The following KLHL22 variants were observed in gnomAD, a reference collection of about 807,000 sequenced individuals.
KLHL22 encodes kelch like family member 22.
A neutral mutation model predicts 60.7 loss-of-function variants in KLHL22; 18 were observed. The observed-to-expected ratio is 0.30, with a 90% CI of 0.20 to 0.44. The LOEUF is 0.44. Among genes scored for constraint, KLHL22 ranks in the 20% least tolerant of loss-of-function variants. The pLI, the probability that KLHL22 is intolerant of heterozygous loss-of-function variation, is 1.00. For missense variants in KLHL22, 596 were observed against 852.3 expected (o/e 0.70, Z 3.74); for synonymous variants, 355 against 354.5 (o/e 1.00, Z -0.01).
intron 2 of KLHL22, among the ~76,000 whole-genome samples, chr22:20,473,344 C>G (rs1381783597): frequency 6.6e-6 from 1 of 151,974 alleles, no homozygotes; most frequent in Non-Finnish European, 1.5e-5. Context: ...CGAAGAGGAC[C>G]CTTTACTGAT....
At chr22:20,471,172 G>A (rs2053320574) in intron 3 of KLHL22, among the ~76,000 whole-genome samples, 178 bp downstream of exon 3, 1 of 152,216 alleles carries the variant, frequency 6.6e-6, no homozygotes, top group Non-Finnish European at 1.5e-5. Flanking sequence ...GAGCGGCTCT[G>A]CTTGAGCTCC....
At chr22:20,483,374 G>C in intron 2 of KLHL22, 5 of 779,006 alleles carry the variant, frequency 6.4e-6, no homozygotes, top group Non-Finnish European at 2.3e-6. Flanking sequence ...ATCTTGGCAA[G>C]GTCCTGAGAT....
intron 5 of KLHL22, among the ~76,000 whole-genome samples, chr22:20,452,168 A>G (rs529685797): frequency 6.6e-6 from 1 of 151,934 alleles, no homozygotes; most frequent in African/African-American, 2.4e-5. Context: ...GTTGCAAAGA[A>G]CTAAGGTGAG....
rs200591799 is a variant in KLHL22 at position 20,442,157 on chromosome 22, G to A, written c.1821C>T (p.Asp607=). Residue 607 remains aspartate, a synonymous_variant, in exon 7 of 7, where the codon GAC becomes GAT. Transcript: ENST00000328879. Reference sequence around the variant, plus strand: ...CAAAGTCCGGGTCGGCCTGGCTGCGGTCAGGGGTCCCGCGGGGCGGCTCAA... The same window carrying A: ...CAAAGTCCGGGTCGGCCTGGCTGCGATCAGGGGTCCCGCGGGGCGGCTCAA... ...LLLEPPRGTP[D]RSQADPDFAS... 2.1e-5 allele frequency: 33 copies of A among 1,549,764 alleles called. No individual in the cohort carries two copies. The East Asian group carries it at 7.6e-4, about 36-fold the overall frequency.
At chr22:20,452,951 G>C (rs2053002681) in intron 5 of KLHL22, among the ~76,000 whole-genome samples, 1 of 152,144 alleles carries the variant, frequency 6.6e-6, no homozygotes, top group Non-Finnish European at 1.5e-5. Flanking sequence ...CTGTCCTTTA[G>C]TGTAGATTTT....
chr22:20,490,582 C>T (rs990811815), intron 1 of KLHL22, among the ~76,000 whole-genome samples: 1 of 152,218 alleles, frequency 6.6e-6, no homozygotes, highest in African/African-American at 2.4e-5. Flanking sequence ...TCTAATTCAG[C>T]AGTCCCCAAT....
chr22:20,444,974 T>C (rs1002558778), intron 6 of KLHL22, among the ~76,000 whole-genome samples: 2 of 151,922 alleles, frequency 1.3e-5, no homozygotes, highest in Admixed American at 1.3e-4. Flanking sequence ...TTAGTAGAGA[T>C]GGAGTTTCAC....
At chr22:20,477,480 T>G (rs2053433525) in intron 2 of KLHL22, among the ~76,000 whole-genome samples, 1 of 152,036 alleles carries the variant, frequency 6.6e-6, no homozygotes, top group African/African-American at 2.4e-5. Context: ...GTGGCACGCA[T>G]CCATAATTCC....
In KLHL22 at chr22:20,451,244, C is replaced by A. The variant is rs542794542; in HGVS notation, c.1306-4568G>T. On this transcript the variant is annotated intron_variant, in intron 5 of 6. Coordinates refer to ENST00000328879, the MANE Select transcript of KLHL22 (RefSeq NM_032775.4). Reference sequence around the variant, plus strand: ...TGATGAGGTCTTGCTGGAGCCACCACCCTGGGAGATTTGATCTATGTCTCT... The same window carrying A: ...TGATGAGGTCTTGCTGGAGCCACCAACCTGGGAGATTTGATCTATGTCTCT... The A allele has an allele frequency of 5.0e-6, 8 of 1,603,350 alleles. No individual in the cohort carries two copies. The African/African-American group carries it at 9.4e-5, about 19-fold the overall frequency.
intron 6 of KLHL22, among the ~76,000 whole-genome samples, 197 bp downstream of exon 6, chr22:20,446,246 G>A (rs1418506906): frequency 1.3e-5 from 2 of 152,166 alleles, no homozygotes; most frequent in African/African-American, 4.8e-5. Context: ...GGTCTGCAGT[G>A]GGGAGGCTAT....
intron 1 of KLHL22, among the ~76,000 whole-genome samples, chr22:20,493,906 T>A (rs1289767813): frequency 6.6e-6 from 1 of 151,458 alleles, no homozygotes; most frequent in Non-Finnish European, 1.5e-5. Flanking sequence ...CTACTAAAAA[T>A]ACAAAAATTA....
chr22:20,487,475 G>A (rs1569146415), intron 2 of KLHL22, among the ~76,000 whole-genome samples: 1 of 151,632 alleles, frequency 6.6e-6, no homozygotes, highest in Non-Finnish European at 1.5e-5. Context: ...ACCTGCCTTG[G>A]CCTCCCAAAG....
intron 2 of KLHL22, 79 bp downstream of exon 2, chr22:20,488,906 C>T: frequency 7.2e-7 from 1 of 1,392,030 alleles, no homozygotes; most frequent in Non-Finnish European, 9.8e-7. Context: ...AGACCAGCCA[C>T]TGTCACCGCC....
intron 2 of KLHL22, chr22:20,483,593 G>A: frequency 1.4e-6 from 1 of 727,332 alleles, no homozygotes; most frequent in Non-Finnish European, 2.5e-6. Flanking sequence ...TGCATGGGCA[G>A]TTCTGTCTCA....
At chr22:20,490,056 A>G (rs1471346521) in intron 1 of KLHL22, among the ~76,000 whole-genome samples, 3 of 152,224 alleles carry the variant, frequency 2.0e-5, no homozygotes. Flanking sequence ...GGAGCAACCA[A>G]AAGTGACTGT....
At position 20,489,251 on chromosome 22, in the gene KLHL22, G is replaced by T; in HGVS notation, c.-33-7C>A. 1.2e-6 allele frequency: 2 copies of T among 1,608,666 alleles called. No homozygotes were observed. Among genetic ancestry groups the T allele is most frequent in the Non-Finnish European group, 1.7e-6 (2 of 1,176,510 alleles). On this transcript the variant is annotated splice_polypyrimidine_tract_variant and splice_region_variant and intron_variant, in intron 1 of 6. Transcript: ENST00000328879. ...GATCCCTTACAACTGTGGCCTGACA[G>T]TTGGCAAAACAGGGGACAGGGGTGA... is the stretch of plus-strand genomic sequence containing the variant.
At chr22:20,477,056 C>T (rs1039943199) in intron 2 of KLHL22, among the ~76,000 whole-genome samples, 5 of 151,634 alleles carry the variant, frequency 3.3e-5, no homozygotes, top group African/African-American at 9.7e-5. Flanking sequence ...ATAATCCTTT[C>T]GGGGGCCAAG....
chr22:20,471,102 GACAGTGGGGAAACA>G (rs1004948489), intron 3 of KLHL22, among the ~76,000 whole-genome samples: 16 of 152,226 alleles, frequency 1.1e-4, no homozygotes, highest in Admixed American at 1.0e-3. Context: ...GGGAGACTCA[GACAGTGGGGAAACA>G]ACCAGCAATA....
intron 2 of KLHL22, 62 bp downstream of exon 2, chr22:20,488,923 T>G: frequency 6.7e-7 from 1 of 1,495,632 alleles, no homozygotes; most frequent in Non-Finnish European, 9.1e-7. Flanking sequence ...CGCCAGTACC[T>G]TTACTAGCAG....
Sources: allele counts gnomAD v4.1 joint callset (sites outside exome capture counted in the v4.1 genomes callset), GRCh38; gene constraint gnomAD v4.1.1; transcripts MANE v1.5; gene names NCBI Gene and HGNC (gene_info 2026-07-23, HGNC 2026-07-21).